The following SMAD4 variants were observed in gnomAD, a reference collection of about 807,000 sequenced individuals.
SMAD4 encodes MAD homolog 4.
A neutral mutation model predicts 63.2 loss-of-function variants in SMAD4; 7 were observed. That is an observed-to-expected ratio of 0.11 (90% CI 0.06 to 0.21). The LOEUF is 0.21. Among genes scored for constraint, SMAD4 ranks in the 10% least tolerant of loss-of-function variants. The probability of loss-of-function intolerance (pLI) is 1.00; values close to 1 mark genes in which losing one functional copy is unlikely to be tolerated. For synonymous variants in SMAD4, 215 were observed against 235.4 expected, an observed-to-expected ratio of 0.91 and a Z score of 0.79; for missense variants, 312 against 693.8, an observed-to-expected ratio of 0.45 and a Z score of 6.18.
chr18:51,079,040 A>AG lies in SMAD4; in HGVS notation c.*574dup, dbSNP rs1910542593. The AG allele has an allele frequency of 4.3e-6, 1 of 233,382 alleles. No individual in the cohort carries two copies. Among genetic ancestry groups the AG allele is most frequent in the South Asian group, 1.8e-4 (1 of 5,534 alleles). The allele number at this position is 233,382 out of a possible 1,614,324, so 14.5% of individuals were successfully genotyped here. On this transcript the variant is annotated 3_prime_UTR_variant, in exon 12 of 12. Transcript: ENST00000342988. ...CAAAATATTTTTTGCAAGTTATATT[A>AG]GTGAAGATGGTTTCAATTCAGATTG...
At chr18:51,052,703 G>A (rs1909741942) in intron 4 of SMAD4, 2 of 222,800 alleles carry the variant, frequency 9.0e-6, no homozygotes, top group African/African-American at 2.4e-5. Context: ...TCCCACCCCT[G>A]CCCCCATTCC....
chr18:51,033,988 A>C (rs1909126968), intron 1 of SMAD4, among the ~76,000 whole-genome samples: 1 of 152,246 alleles, frequency 6.6e-6, no homozygotes, highest in African/African-American at 2.4e-5. Context: ...GATAAGTACC[A>C]AAGACCAGTT....
chr18:51,048,653 G>T, intron 2 of SMAD4, 33 bp from the exon 3 acceptor site: 1 of 1,593,150 alleles, frequency 6.3e-7, no homozygotes, highest in South Asian at 1.1e-5. Context: ...TGCATAATGT[G>T]ACACATGAAT....
chr18:51,081,488 A>G lies in SMAD4; in HGVS notation c.*3021A>G, dbSNP rs776146914. 3.9e-5 allele frequency: 9 copies of G among 231,336 alleles called. No homozygotes were observed. The highest frequency in any genetic ancestry group is 7.7e-5 in the Non-Finnish European group (9 of 116,948). 14.3% of individuals were successfully genotyped at this position (231,336 alleles called of 1,614,324 possible). On this transcript the variant is annotated 3_prime_UTR_variant, in exon 12 of 12. Coordinates refer to ENST00000342988, the MANE Select transcript of SMAD4 (RefSeq NM_005359.6). ...ACTGCCATATAACCTTGCTTTTTCC[A>G]GAAACATGGCTGTTTTGTATTGCTG...
intron 11 of SMAD4, 68 bp from the exon 12 acceptor site, chr18:51,078,188 T>G: frequency 7.7e-7 from 1 of 1,296,010 alleles, no homozygotes; most frequent in Non-Finnish European, 1.1e-6. Context: ...CTTGATTAAT[T>G]TAGAATGTAG....
At chr18:51,060,792 C>T (rs1254761643) in intron 8 of SMAD4, among the ~76,000 whole-genome samples, 1 of 152,116 alleles carries the variant, frequency 6.6e-6, no homozygotes, top group Non-Finnish European at 1.5e-5. Flanking sequence ...GGCCACCATG[C>T]CTGGCTAATG....
Position 51,083,481 on chromosome 18 carries a change from G to C in SMAD4, c.*5014G>C. 1 of 224,112 alleles carries C rather than the reference G, an allele frequency of 4.5e-6. No individual in the cohort carries two copies. Among genetic ancestry groups the C allele is most frequent in the Non-Finnish European group, 8.8e-6 (1 of 113,168 alleles). 13.9% of individuals were successfully genotyped at this position (224,112 alleles called of 1,614,324 possible). Reference sequence around the variant, plus strand: ...TTTCTGTTTTTTTTTTTCTAATGTAGTAAGGACTAAGGAAAACCTTTGGTG... The same window carrying C: ...TTTCTGTTTTTTTTTTTCTAATGTACTAAGGACTAAGGAAAACCTTTGGTG... On this transcript the variant is annotated 3_prime_UTR_variant, in exon 12 of 12. Transcript: ENST00000342988.
At chr18:51,069,424 A>G (rs1226005393) in intron 10 of SMAD4, among the ~76,000 whole-genome samples, 1 of 151,958 alleles carries the variant, frequency 6.6e-6, no homozygotes, top group Non-Finnish European at 1.5e-5. Context: ...TTTTGTTGTT[A>G]TTTTTTAATG....
intron 1 of SMAD4, among the ~76,000 whole-genome samples, chr18:51,036,369 T>C (rs891298786): frequency 6.6e-6 from 1 of 152,230 alleles, no homozygotes; most frequent in African/African-American, 2.4e-5. Flanking sequence ...GTCAGTGATA[T>C]TCACTAGTGA....
chr18:51,056,134 A>C (rs1053500573), intron 5 of SMAD4, among the ~76,000 whole-genome samples: 1 of 152,190 alleles, frequency 6.6e-6, no homozygotes, highest in Admixed American at 6.5e-5. Context: ...TTATCTGTCT[A>C]CTTTTTATTT....
chr18:51,073,902 T>C (rs540170289), intron 10 of SMAD4, among the ~76,000 whole-genome samples: 12 of 152,170 alleles, frequency 7.9e-5, no homozygotes, highest in African/African-American at 2.6e-4. Context: ...TTGATAGGCC[T>C]GACTTCATTG....
intron 7 of SMAD4, among the ~76,000 whole-genome samples, chr18:51,059,039 G>T (rs929547453): frequency 6.6e-6 from 1 of 151,984 alleles, no homozygotes; most frequent in Non-Finnish European, 1.5e-5. Context: ...AGAAAATATA[G>T]AAAAGTATAA....
At chr18:51,039,061 C>T (rs1909294752) in intron 1 of SMAD4, among the ~76,000 whole-genome samples, 2 of 152,174 alleles carry the variant, frequency 1.3e-5, no homozygotes, top group Admixed American at 6.5e-5. Flanking sequence ...GAGCTGAGAA[C>T]ATGCCTCTGC....
Position 51,055,119 on chromosome 18 carries a change from G to C in SMAD4, c.667+126G>C, listed in dbSNP as rs1028219358. On this transcript the variant is annotated intron_variant, in intron 5 of 11. Transcript: ENST00000342988. ...AAAAGTAACTGTAGTATCTTTCATA[G>C]GTAAACAGGTATTAAACAGGTATGC... 22 of 749,560 alleles carry C rather than the reference G, an allele frequency of 2.9e-5. No individual in the cohort carries two copies. In the East Asian group the frequency reaches 4.6e-4, roughly 16 times the overall value. The allele number at this position is 749,560 out of a possible 1,614,324, so 46.4% of individuals were successfully genotyped here. A position where few individuals can be genotyped will look rare whatever the true frequency, so the allele number is the denominator to read the frequency against.
intron 1 of SMAD4, among the ~76,000 whole-genome samples, chr18:51,040,234 GGCCAAC>G (rs1909334238): frequency 6.6e-6 from 1 of 152,016 alleles, no homozygotes; most frequent in African/African-American, 2.4e-5. Flanking sequence ...AGACCATCCT[GGCCAAC>G]GTGGTGAAAC....
Position 51,054,899 on chromosome 18 carries a change from G to A in SMAD4, c.573G>A (p.Ser191=), listed in dbSNP as rs761936246. The change falls in exon 5 of 12, where the codon TCG becomes TCA. Residue 191 remains serine, a synonymous_variant. Coordinates refer to ENST00000342988, the MANE Select transcript of SMAD4 (RefSeq NM_005359.6). ...AGCATCCACCAAGTAATCGTGCATCGACAGAGACATACAGCACCCCAGCTC... is the reference window on the plus strand; with the variant it reads ...AGCATCCACCAAGTAATCGTGCATCAACAGAGACATACAGCACCCCAGCTC... The part of the protein sequence containing the change: ...TIQHPPSNRA[S]TETYSTPALL... 4 of 1,614,048 alleles carry A rather than the reference G, an allele frequency of 2.5e-6. No homozygotes were observed. The highest frequency in any genetic ancestry group is 3.4e-6 in the Non-Finnish European group (4 of 1,179,926).
chr18:51,068,856 GGCTGCGGAGAGCCATGATCAT>G (rs2144456889), intron 10 of SMAD4, among the ~76,000 whole-genome samples: 1 of 152,260 alleles, frequency 6.6e-6, no homozygotes, highest in South Asian at 2.1e-4. Flanking sequence ...AGGAGTTCAA[GGCTGCGGAGAGCCATGATCAT>G]GCCACTGTGC....
At chr18:51,043,831 A>G (rs1167667303) in intron 1 of SMAD4, among the ~76,000 whole-genome samples, 1 of 152,254 alleles carries the variant, frequency 6.6e-6, no homozygotes, top group Non-Finnish European at 1.5e-5. Context: ...CTTTTGGAAT[A>G]TAATATCAGA....
chr18:51,074,352 A>C (rs1910416083), intron 10 of SMAD4, among the ~76,000 whole-genome samples: 1 of 149,836 alleles, frequency 6.7e-6, no homozygotes, highest in Admixed American at 6.6e-5. Context: ...CCATCTTAAC[A>C]ACAACAACAA....
Sources: allele counts gnomAD v4.1 joint callset (sites outside exome capture counted in the v4.1 genomes callset), GRCh38; gene constraint gnomAD v4.1.1; transcripts MANE v1.5; gene names NCBI Gene and HGNC (gene_info 2026-07-23, HGNC 2026-07-21).